The following NTRK3 variants were observed in gnomAD, a reference collection of about 807,000 sequenced individuals.
NTRK3 encodes the protein neurotrophic receptor tyrosine kinase 3, also known as NT-3 growth factor receptor.
In NTRK3, 24 loss-of-function variants were observed where a neutral mutation model predicts 91.7. That is an observed-to-expected ratio of 0.26 (90% confidence interval 0.19 to 0.37). The LOEUF (loss-of-function observed/expected upper bound fraction) is 0.37. NTRK3 is among the 10% of genes least tolerant of loss of function. The pLI, the probability that NTRK3 is intolerant of heterozygous loss-of-function variation, is 1.00. For synonymous variants in NTRK3, 483 were observed against 404.0 expected (o/e 1.20, Z -2.34); for missense variants, 880 against 1,068.9 (o/e 0.82, Z 2.46).
At chr15:87,874,429 A>C in exon 19 of NTRK3, 1 of 230,704 alleles carries the variant, frequency 4.3e-6, no homozygotes. Context: ...TGTTCCCCCA[A>C]GGAATCACCT....
intron 5 of NTRK3, among the ~76,000 whole-genome samples, chr15:88,177,058 A>T (rs1205640475): frequency 6.6e-6 from 1 of 152,182 alleles, no homozygotes; most frequent in African/African-American, 2.4e-5. Context: ...CAGGGACAAA[A>T]ACTCCAATGT....
At chr15:87,910,426 G>T (rs6496455) in intron 17 of NTRK3, among the ~76,000 whole-genome samples, 2 of 152,158 alleles carry the variant, frequency 1.3e-5, no homozygotes, top group East Asian at 3.9e-4. Flanking sequence ...GAGTTTTCAC[G>T]GATGCTAACG....
intron 13 of NTRK3, among the ~76,000 whole-genome samples, chr15:88,040,306 G>A (rs2079477937): frequency 6.6e-6 from 1 of 152,216 alleles, no homozygotes; most frequent in Non-Finnish European, 1.5e-5. Context: ...CAGGTGGGCT[G>A]AGCCCCAGTC....
chr15:87,988,889 T>C (rs2075061165), intron 14 of NTRK3, among the ~76,000 whole-genome samples: 1 of 152,182 alleles, frequency 6.6e-6, no homozygotes, highest in East Asian at 1.9e-4. Context: ...TGCTTATCAT[T>C]ATATTTTTTT....
chr15:88,060,306 C>A (rs1481823220), intron 13 of NTRK3, among the ~76,000 whole-genome samples: 1 of 151,372 alleles, frequency 6.6e-6, no homozygotes, highest in Admixed American at 6.6e-5. Context: ...CTCGCTTAAA[C>A]CCAGGAGGTG....
Position 88,127,082 on chromosome 15 carries a change from T to C in NTRK3, c.1293+80A>G. 4 of 1,246,904 alleles carry C rather than the reference T, an allele frequency of 3.2e-6. No homozygotes were observed. In the Admixed American group the frequency reaches 7.5e-5, roughly 23 times the overall value. 77.2% of individuals were successfully genotyped at this position (1,246,904 alleles called of 1,614,324 possible). A position where few individuals can be genotyped will look rare whatever the true frequency, so the allele number is the denominator to read the frequency against. ...TCAAAGTTTCAAGTAAGATAATATT[T>C]GGAAAAGTTAGCAACACAAATGAAG... On this transcript the variant is annotated intron_variant, in intron 12 of 18. Transcript: ENST00000394480.
intron 1 of NTRK3, 60 bp from the exon 2 acceptor site, chr15:88,256,546 G>A: frequency 1.4e-5 from 7 of 509,898 alleles, no homozygotes; most frequent in South Asian, 1.1e-4. Context: ...AGGAAAAAAT[G>A]GTGCTAAAGT....
intron 13 of NTRK3, among the ~76,000 whole-genome samples, chr15:88,112,793 C>G (rs867724897): frequency 6.6e-6 from 1 of 152,190 alleles, no homozygotes; most frequent in African/African-American, 2.4e-5. Flanking sequence ...CACTCTCCCC[C>G]GCTTCAAGAA....
rs1243789020 is a variant in NTRK3 at position 88,237,435 on chromosome 15, G to C, written c.248+18471C>G. 6.6e-6 allele frequency among the ~76,000 whole-genome samples: 1 copy of C among 152,206 alleles called. No homozygotes were observed. The highest frequency in any genetic ancestry group is 6.5e-5 in the Admixed American group (1 of 15,286). ...GAAGGTCCCAGCCCGTTGTCATTGTGTGGGGGTGGAGGGATGCCTAACATG... is the reference window on the plus strand; with the variant it reads ...GAAGGTCCCAGCCCGTTGTCATTGTCTGGGGGTGGAGGGATGCCTAACATG... On this transcript the variant is annotated intron_variant, in intron 3 of 18. Transcript: ENST00000394480. This position sits in a 1 kb window ranked among gnomAD's most constrained non-coding sequence, Gnocchi z 4.0.
intron 17 of NTRK3, among the ~76,000 whole-genome samples, chr15:87,882,870 A>C (rs2141488866): frequency 1.3e-5 from 2 of 152,226 alleles, no homozygotes; most frequent in Middle Eastern, 3.4e-3. Context: ...AATGATGACT[A>C]AAAAGCACAA....
chr15:88,251,282 CT>C (rs1447586175), intron 3 of NTRK3, among the ~76,000 whole-genome samples: 1 of 152,230 alleles, frequency 6.6e-6, no homozygotes, highest in Non-Finnish European at 1.5e-5. Flanking sequence ...AGGAGATGCC[CT>C]TAAAAGTGGC....
chr15:88,035,163 C>G (rs2078959695), intron 13 of NTRK3, among the ~76,000 whole-genome samples: 1 of 152,082 alleles, frequency 6.6e-6, no homozygotes, highest in Admixed American at 6.5e-5. Flanking sequence ...GAAGAGATGA[C>G]CAACAGGACT....
chr15:87,966,814 C>G (rs2072838400), intron 14 of NTRK3, among the ~76,000 whole-genome samples: 1 of 152,158 alleles, frequency 6.6e-6, no homozygotes, highest in Non-Finnish European at 1.5e-5. Flanking sequence ...AAGGAGGGCC[C>G]TAAAAAGTGG....
intron 17 of NTRK3, among the ~76,000 whole-genome samples, chr15:87,895,643 T>C (rs1214542753): frequency 2.6e-5 from 4 of 152,122 alleles, no homozygotes; most frequent in Non-Finnish European, 5.9e-5. Flanking sequence ...TCTTTCCAGA[T>C]CTGGGAGATA....
chr15:88,207,387 AG>A (rs2048883408), intron 3 of NTRK3, among the ~76,000 whole-genome samples: 1 of 152,202 alleles, frequency 6.6e-6, no homozygotes, highest in Non-Finnish European at 1.5e-5. Flanking sequence ...TCCTGCCCAG[AG>A]CCCAAACACA....
chr15:88,071,420 C>T (rs1426238658), intron 13 of NTRK3, among the ~76,000 whole-genome samples: 1 of 152,268 alleles, frequency 6.6e-6, no homozygotes, highest in Non-Finnish European at 1.5e-5. Flanking sequence ...GTCAGTCTCA[C>T]TTGGCCAAGG....
Position 88,007,392 on chromosome 15 carries a change from G to C in NTRK3, c.1585+25465C>G, listed in dbSNP as rs567836797. On this transcript the variant is annotated intron_variant, in intron 14 of 18. Transcript: ENST00000394480. ...GCAGAACAATCAGGACCAGGGAATG[G>C]GTCCCCAAAAAGATGATTCTTGGGC... Among the ~76,000 whole-genome samples the C allele has an allele frequency of 7.2e-5, 11 of 152,148 alleles. No homozygotes were observed. In the East Asian group the frequency reaches 2.1e-3, roughly 29 times the overall value.
At chr15:88,159,943 T>TACAC (rs59254719) in intron 5 of NTRK3, among the ~76,000 whole-genome samples, 9,666 of 111,836 alleles carry the variant, frequency 0.086, 806 homozygotes, top group South Asian at 0.11. Context: ...CCCAGCCTCC[T>TACAC]ACACACACAC....
At chr15:88,209,796 T>A (rs1368213204) in intron 3 of NTRK3, among the ~76,000 whole-genome samples, 1 of 152,210 alleles carries the variant, frequency 6.6e-6, no homozygotes. Context: ...GTGCCTTCCA[T>A]TGGCCAAACC....
Sources: allele counts gnomAD v4.1 joint callset (sites outside exome capture counted in the v4.1 genomes callset), GRCh38; gene constraint gnomAD v4.1.1; non-coding constraint Gnocchi (gnomAD v3.1); transcripts MANE v1.5; gene names NCBI Gene and HGNC (gene_info 2026-07-23, HGNC 2026-07-21).